Variants in GABBR2 observed in about 807,000 individuals in gnomAD.
GABBR2 encodes G-protein coupled receptor 51.
Under a neutral mutation model 105.6 loss-of-function variants are expected in GABBR2, and 23 were observed. The observed-to-expected ratio is 0.22, with a 90% CI of 0.16 to 0.31. The LOEUF (loss-of-function observed/expected upper bound fraction) is 0.31. Among genes scored for constraint, GABBR2 ranks in the 10% least tolerant of loss-of-function variants. The pLI, the probability that GABBR2 is intolerant of heterozygous loss-of-function variation, is 1.00. For missense variants in GABBR2, 734 were observed against 1,245.5 expected (o/e 0.59, Z 6.18); for synonymous variants, 478 against 499.7 (o/e 0.96, Z 0.58).
chr9:98,613,560 T>C (rs1288782303), intron 1 of GABBR2, among the ~76,000 whole-genome samples: 1 of 152,142 alleles, frequency 6.6e-6, no homozygotes, highest in Non-Finnish European at 1.5e-5. Context: ...GTTCCAGGCA[T>C]AGGCCTCAAG....
intron 7 of GABBR2, among the ~76,000 whole-genome samples, chr9:98,409,238 T>C (rs1417943580): frequency 6.6e-6 from 1 of 152,184 alleles, no homozygotes; most frequent in South Asian, 2.1e-4. Flanking sequence ...GACATGACTC[T>C]AATGAACAGC....
In GABBR2 at chr9:98,362,884, T is replaced by A. The variant is rs199716952; in HGVS notation, c.1771-47A>T. 2.1e-6 allele frequency: 3 copies of A among 1,439,512 alleles called. No homozygotes were observed. The Admixed American group carries it at 7.3e-5, about 35-fold the overall frequency. The allele number at this position is 1,439,512 out of a possible 1,614,324, so 89.2% of individuals were successfully genotyped here. ...AGGGGAGCCGATGTGAGAGACAGCT[T>A]CCCACGCAGCAACTGGGGGCCCAGG... On this transcript the variant is annotated intron_variant, in intron 12 of 18. Transcript: ENST00000259455.
chr9:98,468,082 A>C (rs1826597347), intron 6 of GABBR2, among the ~76,000 whole-genome samples: 1 of 152,160 alleles, frequency 6.6e-6, no homozygotes, highest in Non-Finnish European at 1.5e-5. Context: ...GGCTGTCTTC[A>C]TGAGGTCCCA....
chr9:98,302,627 C>T (rs888362506), intron 16 of GABBR2, among the ~76,000 whole-genome samples: 1 of 152,130 alleles, frequency 6.6e-6, no homozygotes. Context: ...CTGCAGAGCA[C>T]GGGTTCAGGC....
At chr9:98,459,583 TAA>T (rs1826388027) in intron 6 of GABBR2, among the ~76,000 whole-genome samples, 1 of 152,248 alleles carries the variant, frequency 6.6e-6, no homozygotes, top group Non-Finnish European at 1.5e-5. Context: ...AGCCTGGTAT[TAA>T]GACTGGCATT....
At chr9:98,674,441 C>A (rs1474898189) in intron 1 of GABBR2, among the ~76,000 whole-genome samples, 1 of 73,200 alleles carries the variant, frequency 1.4e-5, no homozygotes, top group Non-Finnish European at 2.7e-5. Flanking sequence ...TCTAGGGGCC[C>A]TGAGTGCTGG....
chr9:98,508,033 T>C (rs1409564789), intron 3 of GABBR2, among the ~76,000 whole-genome samples: 2 of 152,324 alleles, frequency 1.3e-5, no homozygotes, highest in South Asian at 2.1e-4. Flanking sequence ...TCAGACCTTA[T>C]TGCTTTCCTT....
In GABBR2 at chr9:98,446,006, C is replaced by T. The variant is rs17770298; in HGVS notation, c.1236+7975G>A. Among the ~76,000 whole-genome samples the T allele has an allele frequency of 2.0e-5, 3 of 152,210 alleles. No individual in the cohort carries two copies. In the East Asian group the frequency reaches 5.8e-4, roughly 29 times the overall value. Reference sequence around the variant, plus strand: ...GCAGATGCCTTCCACATTAAGGTAACTTTCAAATCCCTAGAGTGAATGGCC... The same window carrying T: ...GCAGATGCCTTCCACATTAAGGTAATTTTCAAATCCCTAGAGTGAATGGCC... On this transcript the variant is annotated intron_variant, in intron 7 of 18. Transcript: ENST00000259455.
At chr9:98,655,636 C>G (rs541357501) in intron 1 of GABBR2, among the ~76,000 whole-genome samples, 15 of 152,186 alleles carry the variant, frequency 9.9e-5, no homozygotes, top group Non-Finnish European at 1.9e-4. Context: ...CATATACACA[C>G]CATGGAATAC....
rs1830931081 is a variant in GABBR2 at position 98,708,432 on chromosome 9, C to A, written c.306G>T (p.Arg102=). 2 of 1,527,040 alleles carry A rather than the reference C, an allele frequency of 1.3e-6. No homozygotes were observed. Among genetic ancestry groups the A allele is most frequent in the African/African-American group, 1.4e-5 (1 of 72,482 alleles). The allele number at this position is 1,527,040 out of a possible 1,614,324, so 94.6% of individuals were successfully genotyped here. ...GGACACTCACCTCCGTGTCATAGAGCCGCAGGTCGAGGAAGTAGGGGCGCA... is the reference window on the plus strand; with the variant it reads ...GGACACTCACCTCCGTGTCATAGAGACGCAGGTCGAGGAAGTAGGGGCGCA... ...SLLRPYFLDL[R]LYDTECDNAK... Residue 102 remains arginine (R), a synonymous_variant, in exon 1 of 19, where the codon CGG becomes CGT. Coordinates refer to ENST00000259455, the MANE Select transcript of GABBR2 (RefSeq NM_005458.8).
chr9:98,627,142 G>C (rs904699515), intron 1 of GABBR2, among the ~76,000 whole-genome samples: 6 of 152,110 alleles, frequency 3.9e-5, no homozygotes, highest in Non-Finnish European at 5.9e-5. Flanking sequence ...TCAGCCACTG[G>C]TGGGCCGATT....
chr9:98,446,609 T>C (rs993210623), intron 7 of GABBR2, among the ~76,000 whole-genome samples: 1 of 152,216 alleles, frequency 6.6e-6, no homozygotes, highest in Non-Finnish European at 1.5e-5. Context: ...GTTAAGTTTA[T>C]GTGTGATGCA....
chr9:98,511,361 C>G (rs1222065774), intron 3 of GABBR2, among the ~76,000 whole-genome samples: 1 of 150,304 alleles, frequency 6.7e-6, no homozygotes, highest in African/African-American at 2.5e-5. Context: ...AAAGCAAGAG[C>G]AAACACATTC....
intron 4 of GABBR2, among the ~76,000 whole-genome samples, chr9:98,484,565 G>A (rs1364680367): frequency 1.3e-5 from 2 of 152,100 alleles, no homozygotes; most frequent in East Asian, 1.9e-4. Flanking sequence ...GAGGCCAAAC[G>A]GGGGATGAGG....
At position 98,560,782 on chromosome 9, in the gene GABBR2, G is replaced by GTATATATA. The variant is rs35347663; in HGVS notation, c.459+17145_459+17152dup. ...TATTATATATATACTATATAGTAGT[G>GTATATATA]TATATATATATATATACATAGACAC... On this transcript the variant is annotated intron_variant, in intron 2 of 18. Transcript: ENST00000259455. Among the ~76,000 whole-genome samples the GTATATATA allele has an allele frequency of 1.6e-3, 235 of 145,336 alleles. 1 individual carries two copies. Among genetic ancestry groups the GTATATATA allele is most frequent in the African/African-American group, 5.0e-3 (200 of 40,024 alleles).
chr9:98,629,442 A>C (rs1358786407), intron 1 of GABBR2, among the ~76,000 whole-genome samples: 1 of 152,158 alleles, frequency 6.6e-6, no homozygotes, highest in African/African-American at 2.4e-5. Flanking sequence ...TCTTTTCCTC[A>C]AGACTAGATT....
At chr9:98,429,049 T>TCATTTCGCTTTATCACA in intron 7 of GABBR2, among the ~76,000 whole-genome samples, 1 of 152,218 alleles carries the variant, frequency 6.6e-6, no homozygotes, top group East Asian at 1.9e-4. Context: ...AGACTGAGGT[T>TCATTTCGCTTTATCACA]CATTTCGCTT....
At chr9:98,415,274 A>T (rs1314983615) in intron 7 of GABBR2, among the ~76,000 whole-genome samples, 1 of 152,184 alleles carries the variant, frequency 6.6e-6, no homozygotes, top group Non-Finnish European at 1.5e-5. Context: ...AAACTTTATT[A>T]AAAACTTTTT....
At chr9:98,488,857 G>T (rs1355171457) in intron 4 of GABBR2, among the ~76,000 whole-genome samples, 1 of 152,198 alleles carries the variant, frequency 6.6e-6, no homozygotes, top group Admixed American at 6.5e-5. Context: ...AGACTGCTGA[G>T]CTAGAATCTC....
Sources: gnomAD v4.1 joint callset for allele counts (sites outside exome capture counted in the v4.1 genomes callset) on GRCh38, gnomAD v4.1.1 for gene constraint, MANE v1.5 for transcripts, NCBI Gene and HGNC (gene_info 2026-07-23, HGNC 2026-07-21) for gene names.